The following SOX5 variants were observed in gnomAD, a reference collection of about 807,000 sequenced individuals.
The protein encoded by SOX5 is SRY-box transcription factor 5.
A neutral mutation model predicts 92.0 loss-of-function variants in SOX5; 9 were observed. The observed-to-expected ratio is 0.10, with a 90% CI of 0.06 to 0.17. The LOEUF is 0.17. Ranked by LOEUF, SOX5 falls within the 10% of genes least tolerant of loss-of-function variation. The pLI, the probability that SOX5 is intolerant of heterozygous loss-of-function variation, is 1.00. For missense variants in SOX5, 642 were observed against 944.5 expected, an observed-to-expected ratio of 0.68 and a Z score of 4.20; for synonymous variants, 344 against 336.3, an observed-to-expected ratio of 1.02 and a Z score of -0.25.
chr12:23,831,957 T>TACACACACACAC (rs61053165), intron 3 of SOX5, among the ~76,000 whole-genome samples: 56,916 of 142,480 alleles, frequency 0.4, 12,934 homozygotes, highest in Non-Finnish European at 0.53. Flanking sequence ...AAAGGGGAAC[T>TACACACACACAC]ACACACACAC....
intron 4 of SOX5, among the ~76,000 whole-genome samples, chr12:24,004,487 C>A (rs1951942348): frequency 6.6e-6 from 1 of 151,950 alleles, no homozygotes; most frequent in African/African-American, 2.4e-5. Flanking sequence ...AGAAGATGCA[C>A]AAGGAATAGC....
intron 6 of SOX5, among the ~76,000 whole-genome samples, chr12:23,694,439 C>G (rs1048776291): frequency 1.3e-5 from 2 of 152,086 alleles, no homozygotes; most frequent in Non-Finnish European, 1.5e-5. Flanking sequence ...TCATCTGTGT[C>G]TCTCTGCAAC....
intron 8 of SOX5, among the ~76,000 whole-genome samples, chr12:23,607,772 A>G (rs1352302166): frequency 6.6e-6 from 1 of 152,192 alleles, no homozygotes; most frequent in East Asian, 1.9e-4. Context: ...GGAGAACTAT[A>G]CAATCCACTT....
chr12:23,973,167 T>TG (rs1948542033), intron 4 of SOX5, among the ~76,000 whole-genome samples: 1 of 148,984 alleles, frequency 6.7e-6, no homozygotes, highest in African/African-American at 2.5e-5. Context: ...TTTCTTTTTT[T>TG]TTTTTTTTTT....
At chr12:24,491,443 G>C (rs1251393250) in intron 1 of SOX5, among the ~76,000 whole-genome samples, 1 of 151,792 alleles carries the variant, frequency 6.6e-6, no homozygotes, top group Non-Finnish European at 1.5e-5. Context: ...ATGTTCACTA[G>C]AGTCACTTGC....
intron 2 of SOX5, among the ~76,000 whole-genome samples, chr12:23,853,058 G>A (rs546424490): frequency 3.6e-4 from 54 of 151,140 alleles, no homozygotes; most frequent in Non-Finnish European, 6.3e-4. Flanking sequence ...TATATTCCAG[G>A]GAGGAAAAGA....
intron 13 of SOX5, among the ~76,000 whole-genome samples, chr12:23,539,287 C>T (rs1451456118): frequency 6.6e-6 from 1 of 152,056 alleles, no homozygotes; most frequent in African/African-American, 2.4e-5. Context: ...TGCATTCATT[C>T]CTTAATAAAT....
intron 3 of SOX5, among the ~76,000 whole-genome samples, chr12:24,258,319 A>G (rs920991263): frequency 6.6e-6 from 1 of 151,848 alleles, no homozygotes; most frequent in Non-Finnish European, 1.5e-5. Flanking sequence ...AGTGAGTTAC[A>G]TGGTTTACCT....
At chr12:23,857,013 G>A (rs2096700135) in intron 2 of SOX5, among the ~76,000 whole-genome samples, 1 of 152,142 alleles carries the variant, frequency 6.6e-6, no homozygotes, top group South Asian at 2.1e-4. Context: ...AAATCTTCAT[G>A]TATAGAGAGT....
chr12:23,980,231 A>G (rs937131271), intron 4 of SOX5, among the ~76,000 whole-genome samples: 5 of 152,104 alleles, frequency 3.3e-5, no homozygotes, highest in African/African-American at 1.2e-4. Flanking sequence ...CTGAGAGACT[A>G]AATAGTAAGT....
chr12:24,199,302 T>A (rs1477229237), intron 4 of SOX5, among the ~76,000 whole-genome samples: 1 of 152,232 alleles, frequency 6.6e-6, no homozygotes, highest in Non-Finnish European at 1.5e-5. Context: ...CTCACCCCTG[T>A]ACTGTTAAAT....
At chr12:24,250,967 T>C (rs1415217927) in intron 3 of SOX5, among the ~76,000 whole-genome samples, 3 of 152,224 alleles carry the variant, frequency 2.0e-5, no homozygotes, top group African/African-American at 7.2e-5. Context: ...CCTTGCCCTT[T>C]AATTCCTATA....
chr12:24,052,669 AT>A lies in SOX5; in HGVS notation c.-1-156646del, dbSNP rs1957678320. On this transcript the variant is annotated intron_variant, in intron 4 of 4. Transcript: ENST00000446891. ...TTGAGTGTAATAGAATTCAGCACTC[AT>A]TTATTGAATTCCAGTGACATGTGAA... 3.9e-5 allele frequency among the ~76,000 whole-genome samples: 6 copies of A among 152,336 alleles called. No individual in the cohort carries two copies. In the South Asian group the frequency reaches 1.2e-3, roughly 32 times the overall value.
intron 1 of SOX5, among the ~76,000 whole-genome samples, chr12:23,908,701 T>C: frequency 6.6e-6 from 1 of 151,310 alleles, no homozygotes; most frequent in East Asian, 1.9e-4. Flanking sequence ...TTAGGAAAAG[T>C]CCAAAAGTAA....
At chr12:23,876,613 TTGATCCAGC>T (rs1233602755) in intron 2 of SOX5, among the ~76,000 whole-genome samples, 1 of 152,120 alleles carries the variant, frequency 6.6e-6, no homozygotes, top group Non-Finnish European at 1.5e-5. Flanking sequence ...TTTGATCCAT[TTGATCCAGC>T]AATCCCAATA....
rs190172939 is a variant in SOX5, at chr12:23,974,813, A to C, written c.-1-78789T>G. Among the ~76,000 whole-genome samples, 3 of 152,254 alleles carry C rather than the reference A, an allele frequency of 2.0e-5. No individual in the cohort carries two copies. The East Asian group carries it at 5.8e-4, about 29-fold the overall frequency. On this transcript the variant is annotated intron_variant, in intron 4 of 4. Transcript: ENST00000446891. The stretch of plus-strand genomic sequence containing the variant: ...ATATGAAAATTAAGGAAAACTGGTC[A>C]AAAAAAGTGGGGAGAATTAGAATAA...
chr12:23,887,336 TGAAA>T (rs1344742209), intron 2 of SOX5, among the ~76,000 whole-genome samples: 1 of 152,056 alleles, frequency 6.6e-6, no homozygotes, highest in Non-Finnish European at 1.5e-5. Context: ...AGAGCCAAAT[TGAAA>T]GAAAGAGGAA....
At chr12:24,175,368 G>A (rs567676097) in intron 4 of SOX5, among the ~76,000 whole-genome samples, 7 of 152,314 alleles carry the variant, frequency 4.6e-5, no homozygotes, top group Admixed American at 1.3e-4. Context: ...AAAGTACGAT[G>A]GATATTTGGG....
intron 3 of SOX5, among the ~76,000 whole-genome samples, chr12:23,790,502 C>T (rs930575957): frequency 6.7e-6 from 1 of 149,882 alleles, no homozygotes; most frequent in African/African-American, 2.5e-5. Context: ...GCCTGCCCTC[C>T]CTGGTACCTC....
Sources: gnomAD v4.1 joint callset for allele counts (sites outside exome capture counted in the v4.1 genomes callset) on GRCh38, gnomAD v4.1.1 for gene constraint, MANE v1.5 for transcripts, NCBI Gene and HGNC (gene_info 2026-07-23, HGNC 2026-07-21) for gene names.